CADPS: variants seen among roughly 807,000 people sequenced by gnomAD.
CADPS encodes calcium-dependent secretion activator 1.
A neutral mutation model predicts 167.3 loss-of-function variants in CADPS; 57 were observed. The observed-to-expected ratio is 0.34, with a 90% CI of 0.28 to 0.42. The LOEUF is 0.42. Among genes scored for constraint, CADPS ranks in the 20% least tolerant of loss-of-function variants. The probability of loss-of-function intolerance (pLI) is 1.00; values close to 1 mark genes in which losing one functional copy is unlikely to be tolerated. For synonymous variants in CADPS, 676 were observed against 635.3 expected, an observed-to-expected ratio of 1.06 and a Z score of -0.96; for missense variants, 1,414 against 1,738.1, an observed-to-expected ratio of 0.81 and a Z score of 3.32.
intron 1 of CADPS, among the ~76,000 whole-genome samples, chr3:62,778,824 C>T (rs1175172133): frequency 6.6e-6 from 1 of 152,144 alleles, no homozygotes; most frequent in African/African-American, 2.4e-5. Context: ...AAGGTATTTC[C>T]TATTCTCTTT....
chr3:62,654,325 G>T (rs1563397458), intron 4 of CADPS, among the ~76,000 whole-genome samples: 1 of 152,130 alleles, frequency 6.6e-6, no homozygotes, highest in African/African-American at 2.4e-5. Context: ...GAACATCAAG[G>T]TAGGTACTGT....
At chr3:62,733,804 C>T (rs1271937115) in intron 3 of CADPS, among the ~76,000 whole-genome samples, 3 of 152,070 alleles carry the variant, frequency 2.0e-5, no homozygotes, top group South Asian at 2.1e-4. Flanking sequence ...GAGCAGTATA[C>T]GCGATACCCA....
chr3:62,806,052 C>G (rs1429569239), intron 1 of CADPS, among the ~76,000 whole-genome samples: 1 of 152,028 alleles, frequency 6.6e-6, no homozygotes, highest in Admixed American at 6.6e-5. Flanking sequence ...TAAATAATCC[C>G]TTCATAATGT....
chr3:62,607,639 C>A (rs928603890), intron 6 of CADPS, among the ~76,000 whole-genome samples: 6 of 152,152 alleles, frequency 3.9e-5, no homozygotes, highest in Non-Finnish European at 7.3e-5. Context: ...AGCAGCCAGC[C>A]CCATCCCGTG....
At chr3:62,666,323 C>T (rs969221322) in intron 3 of CADPS, among the ~76,000 whole-genome samples, 2 of 152,152 alleles carry the variant, frequency 1.3e-5, no homozygotes, top group Non-Finnish European at 2.9e-5. Context: ...GAAGGCCATC[C>T]TCGCGTGAGG....
intron 1 of CADPS, among the ~76,000 whole-genome samples, chr3:62,799,809 A>G (rs2093659149): frequency 6.6e-6 from 1 of 152,150 alleles, no homozygotes; most frequent in Non-Finnish European, 1.5e-5. Flanking sequence ...CACCACCACC[A>G]TCACAGTTGG....
At chr3:62,599,829 T>G (rs2059628874) in intron 6 of CADPS, among the ~76,000 whole-genome samples, 1 of 5,324 alleles carries the variant, frequency 1.9e-4, no homozygotes, top group East Asian at 0.025. Flanking sequence ...ATATATTATA[T>G]ATATAATATA....
intron 6 of CADPS, chr3:62,625,233 C>T (rs2063843824): frequency 6.7e-6 from 1 of 149,966 alleles, no homozygotes; most frequent in Non-Finnish European, 1.5e-5. Context: ...TCAATTCCCA[C>T]ACCAAGAGAA....
At chr3:62,491,550 C>CAA (rs1426556723) in intron 20 of CADPS, 70 bp from the exon 21 acceptor site, 7 of 900,570 alleles carry the variant, frequency 7.8e-6, no homozygotes, top group Non-Finnish European at 1.0e-5. Context: ...CACACACACA[C>CAA]ACACACAAAC....
chr3:62,866,295 G>A (rs2081662170), intron 1 of CADPS, among the ~76,000 whole-genome samples: 1 of 151,976 alleles, frequency 6.6e-6, no homozygotes, highest in South Asian at 2.1e-4. Flanking sequence ...AAAAATTATA[G>A]AGACAACGTC....
At chr3:62,743,884 C>T (rs1299962210) in intron 3 of CADPS, among the ~76,000 whole-genome samples, 1 of 152,140 alleles carries the variant, frequency 6.6e-6, no homozygotes, top group Non-Finnish European at 1.5e-5. Flanking sequence ...AAAAGAGATT[C>T]ATAAAAGACT....
At chr3:62,759,958 A>ATTTTTG (rs2084983222) in intron 2 of CADPS, among the ~76,000 whole-genome samples, 3 of 152,174 alleles carry the variant, frequency 2.0e-5, no homozygotes, top group Non-Finnish European at 4.4e-5. Flanking sequence ...TTCACCAAAA[A>ATTTTTG]GTAAAGGATT....
chr3:62,538,588 C>T (rs189062262), intron 11 of CADPS, among the ~76,000 whole-genome samples: 556 of 152,260 alleles, frequency 3.7e-3, no homozygotes, highest in Non-Finnish European at 6.5e-3. Flanking sequence ...CTAGCAGCAG[C>T]TTCTTGCTCT....
intron 3 of CADPS, among the ~76,000 whole-genome samples, chr3:62,727,822 C>G (rs761687109): frequency 6.6e-6 from 1 of 151,826 alleles, no homozygotes; most frequent in Non-Finnish European, 1.5e-5. Context: ...AGCTTCCCCT[C>G]AAATACTTAG....
chr3:62,412,032 C>T lies in CADPS; in HGVS notation c.3778-8847G>A, dbSNP rs1212677719. 6.6e-6 allele frequency among the ~76,000 whole-genome samples: 1 copy of T among 152,042 alleles called. No homozygotes were observed. ...CTAACAGCACAAAGCTATAATCAGA[C>T]ACCAAAGCTATAATCAGACACCGAA... On this transcript the variant is annotated intron_variant, in intron 28 of 29. Transcript: ENST00000383710. The surrounding 1 kb of genome is among the most constrained non-coding windows in gnomAD (Gnocchi z 4.1).
At chr3:62,739,056 G>A (rs975323355) in intron 3 of CADPS, among the ~76,000 whole-genome samples, 1 of 152,172 alleles carries the variant, frequency 6.6e-6, no homozygotes, top group Non-Finnish European at 1.5e-5. Context: ...CTCCCATCAA[G>A]AGATGGAGTC....
rs1291382882 is a variant in CADPS at position 62,516,084 on chromosome 3, C to A, written c.2556G>T (p.Arg852=). The A allele has an allele frequency of 6.2e-7, 1 of 1,613,198 alleles. No individual in the cohort carries two copies. The highest frequency in any genetic ancestry group is 1.7e-5 in the Admixed American group (1 of 59,962). Residue 852 remains arginine, a synonymous_variant, in exon 16 of 30, where the codon CGG becomes CGT. Coordinates refer to ENST00000383710, the MANE Select transcript of CADPS (RefSeq NM_003716.4). Reference sequence around the variant, plus strand: ...CTTCGATTTTGGCATACTCTGAGAGCCGAGAATAGTTGACTAACGCAGCCT... The same window carrying A: ...CTTCGATTTTGGCATACTCTGAGAGACGAGAATAGTTGACTAACGCAGCCT... The part of the protein sequence containing the change: ...LEQAALVNYS[R]LSEYAKIEEN...
intron 28 of CADPS, among the ~76,000 whole-genome samples, chr3:62,406,934 C>A (rs1307714869): frequency 6.6e-6 from 1 of 152,198 alleles, no homozygotes; most frequent in East Asian, 1.9e-4. Flanking sequence ...GCTCTAACAT[C>A]CACCTGGGTT....
At chr3:62,721,650 C>G (rs927654123) in intron 3 of CADPS, among the ~76,000 whole-genome samples, 1 of 151,800 alleles carries the variant, frequency 6.6e-6, no homozygotes, top group South Asian at 2.1e-4. Context: ...AACAAAAAAG[C>G]CAAACAAAAC....
Sources: gnomAD v4.1 joint callset for allele counts (sites outside exome capture counted in the v4.1 genomes callset) on GRCh38, gnomAD v4.1.1 for gene constraint, Gnocchi (gnomAD v3.1) non-coding constraint, MANE v1.5 for transcripts, NCBI Gene and HGNC (gene_info 2026-07-23, HGNC 2026-07-21) for gene names.